The following IFT172 variants were observed in gnomAD, a reference collection of about 807,000 sequenced individuals.
The protein encoded by IFT172 is intraflagellar transport 172, also known as intraflagellar transport protein 172 homolog.
In IFT172, 164 loss-of-function variants were observed where a neutral mutation model predicts 248.9. The observed-to-expected ratio is 0.66, with a 90% CI of 0.58 to 0.75. The LOEUF (loss-of-function observed/expected upper bound fraction) is 0.75, where lower values mean the gene tolerates loss of function less well. IFT172 is among the 30% of genes least tolerant of loss of function. The probability of loss-of-function intolerance (pLI) is 0.00; values close to 1 mark genes in which losing one functional copy is unlikely to be tolerated. For synonymous variants in IFT172, 729 were observed against 791.6 expected (o/e 0.92, Z 1.33); for missense variants, 1,950 against 2,192.4 (o/e 0.89, Z 2.21).
chr2:27,473,839 C>G (rs554082387), intron 14 of IFT172, among the ~76,000 whole-genome samples: 1 of 151,958 alleles, frequency 6.6e-6, no homozygotes, highest in African/African-American at 2.4e-5. Context: ...CAGAGTTTCA[C>G]TCTTCTCACC....
intron 14 of IFT172, among the ~76,000 whole-genome samples, chr2:27,472,582 G>A (rs1248287719): frequency 1.3e-5 from 2 of 152,206 alleles, no homozygotes; most frequent in African/African-American, 4.8e-5. Context: ...TAGAACTATT[G>A]AGCAAGTGGC....
At chr2:27,462,989 AGGGTAAAGGAAACTG>A in intron 19 of IFT172, 93 bp downstream of exon 19, 1 of 1,298,526 alleles carries the variant, frequency 7.7e-7, no homozygotes, top group Non-Finnish European at 1.1e-6. Flanking sequence ...TGGGGTGGGC[AGGGTAAAGGAAACTG>A]GGGATGGCTG....
At chr2:27,461,665 C>G (rs1043162559) in intron 21 of IFT172, 94 bp downstream of exon 21, 14 of 1,560,940 alleles carry the variant, frequency 9.0e-6, no homozygotes, top group Non-Finnish European at 1.2e-5. Context: ...AGCCCCAACC[C>G]TGTTCTGGTT....
chr2:27,463,079 C>T lies in IFT172; in HGVS notation c.2022+18G>A, dbSNP rs765281467. ...AGCTTGGGAGACAGACAGAATGAAT[C>T]AGGAGCATAATACTTGCATATTCCC... On this transcript the variant is annotated intron_variant, in intron 19 of 47. Coordinates refer to ENST00000260570, the MANE Select transcript of IFT172 (RefSeq NM_015662.3). The T allele has an allele frequency of 6.2e-7, 1 of 1,611,098 alleles. No individual in the cohort carries two copies. Among genetic ancestry groups the T allele is most frequent in the Non-Finnish European group, 8.5e-7 (1 of 1,177,314 alleles).
Position 27,485,513 on chromosome 2 carries a change from C to G in IFT172, c.40-10G>C, listed in dbSNP as rs769327900. On this transcript the variant is annotated splice_polypyrimidine_tract_variant and intron_variant, in intron 1 of 47. Coordinates refer to ENST00000260570, the MANE Select transcript of IFT172 (RefSeq NM_015662.3). Reference sequence around the variant, plus strand: ...CCTTTGCAGCTCCATCCTGTAGAGGCAAAGGGGTAAAAACAAACCCATGTG... The same window carrying G: ...CCTTTGCAGCTCCATCCTGTAGAGGGAAAGGGGTAAAAACAAACCCATGTG... The G allele has an allele frequency of 6.2e-7, 1 of 1,613,648 alleles. No individual in the cohort carries two copies. Among genetic ancestry groups the G allele is most frequent in the African/African-American group, 1.3e-5 (1 of 74,920 alleles).
In IFT172 at chr2:27,465,793, C is replaced by T; in HGVS notation, c.1782G>A (p.Glu594=). The T allele has an allele frequency of 6.2e-7, 1 of 1,614,148 alleles. No homozygotes were observed. The highest frequency in any genetic ancestry group is 8.5e-7 in the Non-Finnish European group (1 of 1,180,018). Residue 594 remains glutamate, a synonymous_variant, in exon 17 of 48, where the codon GAG becomes GAA. Transcript: ENST00000260570. ...GVTTVAYTLD[E]GLIEFGTAID... ...TGGCTGTTCCAAACTCGATGAGGCCCTCATCCAATGTGTAGGCAACAGTAG... is the reference window on the plus strand; with the variant it reads ...TGGCTGTTCCAAACTCGATGAGGCCTTCATCCAATGTGTAGGCAACAGTAG...
intron 40 of IFT172, 25 bp from the exon 41 acceptor site, chr2:27,447,947 T>A: frequency 1.0e-4 from 124 of 1,246,030 alleles, no homozygotes; most frequent in Non-Finnish European, 1.4e-4. Context: ...AAGAAGGGGA[T>A]CTGAGAAGGG....
chr2:27,482,145 G>C (rs2049668463), intron 7 of IFT172, among the ~76,000 whole-genome samples: 1 of 151,662 alleles, frequency 6.6e-6, no homozygotes, highest in Admixed American at 6.6e-5. Context: ...ACCATGCCCG[G>C]CTAATTTTTA....
chr2:27,481,954 G>A (rs899848925), intron 7 of IFT172, among the ~76,000 whole-genome samples: 7 of 151,752 alleles, frequency 4.6e-5, no homozygotes, highest in Non-Finnish European at 7.4e-5. Context: ...TTTTTAAGGA[G>A]GGTCAAATTT....
Position 27,478,021 on chromosome 2 carries a change from C to G in IFT172, c.1141G>C (p.Asp381His). 1 of 1,614,120 alleles carries G rather than the reference C, an allele frequency of 6.2e-7. No individual in the cohort carries two copies. Among genetic ancestry groups the G allele is most frequent in the Non-Finnish European group, 8.5e-7 (1 of 1,180,016 alleles). ...AHTSETLLLG[D>H]LNTNRLSEIA... ...TCACTAAGCCGATTAGTGTTCAGGT[C>G]CCCCAGCAGCAGTGTTTCTGATGTG... Residue 381 changes from aspartate to histidine, a missense_variant, in exon 11 of 48, where the codon GAC (aspartate) becomes CAC (histidine). Physicochemically the swap from Asp to His is moderately conservative, Grantham distance 81. This residue lies in a region of IFT172 where 1,166 missense variants were observed against 1,254.1 expected (regional missense o/e 0.93). Coordinates refer to ENST00000260570, the MANE Select transcript of IFT172 (RefSeq NM_015662.3).
chr2:27,449,241 G>T, intron 39 of IFT172, 53 bp downstream of exon 39: 1 of 1,598,990 alleles, frequency 6.3e-7, no homozygotes, highest in Non-Finnish European at 8.6e-7. Context: ...TGAGGCAGGT[G>T]GGGAATCAAG....
intron 25 of IFT172, 62 bp downstream of exon 25, chr2:27,459,316 G>A: frequency 6.3e-7 from 1 of 1,575,802 alleles, no homozygotes; most frequent in Admixed American, 1.8e-5. Flanking sequence ...TCCTGCTTTG[G>A]GTTCTCTCAT....
chr2:27,451,177 C>T (rs1201100215), intron 35 of IFT172, among the ~76,000 whole-genome samples: 2 of 152,126 alleles, frequency 1.3e-5, no homozygotes, highest in Non-Finnish European at 2.9e-5. Context: ...ATTTCAATTT[C>T]CACACAATCC....
intron 36 of IFT172, 70 bp downstream of exon 36, chr2:27,449,928 G>A (rs1665503031): frequency 1.4e-6 from 2 of 1,442,356 alleles, no homozygotes; most frequent in Admixed American, 1.7e-5. Context: ...ACACCTTCCT[G>A]GGTGTAGATG....
chr2:27,462,869 C>T, intron 19 of IFT172, 76 bp from the exon 20 acceptor site: 2 of 1,421,974 alleles, frequency 1.4e-6, no homozygotes, highest in Non-Finnish European at 2.0e-6. Flanking sequence ...ATTGGAAGGC[C>T]AGAAGGATGT....
Position 27,463,080 on chromosome 2 carries a change from A to G in IFT172, c.2022+17T>C. 1 of 1,611,274 alleles carries G rather than the reference A, an allele frequency of 6.2e-7. No homozygotes were observed. Among genetic ancestry groups the G allele is most frequent in the Non-Finnish European group, 8.5e-7 (1 of 1,177,384 alleles). Reference sequence around the variant, plus strand: ...GCTTGGGAGACAGACAGAATGAATCAGGAGCATAATACTTGCATATTCCCG... The same window carrying G: ...GCTTGGGAGACAGACAGAATGAATCGGGAGCATAATACTTGCATATTCCCG... On this transcript the variant is annotated intron_variant, in intron 19 of 47. Coordinates refer to ENST00000260570, the MANE Select transcript of IFT172 (RefSeq NM_015662.3).
chr2:27,476,743 G>T lies in IFT172; in HGVS notation c.1326-17C>A. On this transcript the variant is annotated splice_polypyrimidine_tract_variant and intron_variant, in intron 13 of 47. Coordinates refer to ENST00000260570, the MANE Select transcript of IFT172 (RefSeq NM_015662.3). ...ATACGAACACTGAAACATGAAGGGT[G>T]AGGTAAGGCAAAATGGGCTGAGGTA... is the stretch of plus-strand genomic sequence containing the variant. The T allele has an allele frequency of 6.4e-7, 1 of 1,561,242 alleles. No individual in the cohort carries two copies. The highest frequency in any genetic ancestry group is 1.1e-5 in the South Asian group (1 of 89,728).
chr2:27,462,632 G>T, intron 20 of IFT172, 69 bp downstream of exon 20: 2 of 1,411,840 alleles, frequency 1.4e-6, no homozygotes, highest in Non-Finnish European at 2.0e-6. Flanking sequence ...CCTCCCTTGA[G>T]TTTGTACCCC....
intron 1 of IFT172, among the ~76,000 whole-genome samples, chr2:27,488,443 C>T (rs900016444): frequency 6.6e-6 from 1 of 152,042 alleles, no homozygotes; most frequent in African/African-American, 2.4e-5. Context: ...TGTGAGCCAC[C>T]GCACCTGGTC....
Sources: gnomAD v4.1 joint callset for allele counts (sites outside exome capture counted in the v4.1 genomes callset) on GRCh38, gnomAD v4.1.1 for gene constraint, gnomAD v4.1.1 regional missense constraint, MANE v1.5 for transcripts, NCBI Gene and HGNC (gene_info 2026-07-23, HGNC 2026-07-21) for gene names.